Variants in KCNH5 observed in about 807,000 individuals in gnomAD.
KCNH5 encodes the protein potassium voltage-gated channel subfamily H member 5.
In KCNH5, 46 loss-of-function variants were observed where a neutral mutation model predicts 96.1. The observed-to-expected ratio is 0.48, with a 90% CI of 0.38 to 0.61. The LOEUF is 0.61. Ranked by LOEUF, KCNH5 falls within the 20% of genes least tolerant of loss-of-function variation. KCNH5 has a pLI of 0.00. For synonymous variants in KCNH5, 439 were observed against 449.8 expected (o/e 0.98, Z 0.30); for missense variants, 907 against 1,225.8 (o/e 0.74, Z 3.88).
chr14:62,950,263 G>A lies in KCNH5; in HGVS notation c.1239C>T (p.Pro413=). 2 of 1,614,024 alleles carry A rather than the reference G, an allele frequency of 1.2e-6. No individual in the cohort carries two copies. Among genetic ancestry groups the A allele is most frequent in the Non-Finnish European group, 8.5e-7 (1 of 1,179,958 alleles). The change falls in exon 7 of 11, where the codon CCC becomes CCT. Residue 413 remains proline (P), a synonymous_variant. Coordinates refer to ENST00000322893, the MANE Select transcript of KCNH5 (RefSeq NM_139318.5). ...AGGACACGTACAATGAATCCTTGCTGGGTCCTCCTTCCCATATCCCAGCAC... is the reference window on the plus strand; with the variant it reads ...AGGACACGTACAATGAATCCTTGCTAGGTCCTCCTTCCCATATCCCAGCAC... ...NTSAGIWEGG[P]SKDSLYVSSL...
chr14:62,833,050 TTTTTC>T (rs904895554), intron 8 of KCNH5, among the ~76,000 whole-genome samples: 5 of 152,196 alleles, frequency 3.3e-5, no homozygotes, highest in African/African-American at 1.2e-4. Flanking sequence ...TTATACATAT[TTTTTC>T]TTATTATATA....
At position 63,042,698 on chromosome 14, in the gene KCNH5, T is replaced by C. The variant is rs918003067; in HGVS notation, c.73+2416A>G. Among the ~76,000 whole-genome samples the C allele has an allele frequency of 3.9e-5, 6 of 152,180 alleles. No individual in the cohort carries two copies. The East Asian group carries it at 1.2e-3, about 29-fold the overall frequency. ...TTCTATTAGTCTCAATTAAACAATT[T>C]CTCAGGATAAATTTTTCTATTTCTC... is the stretch of plus-strand genomic sequence containing the variant. On this transcript the variant is annotated intron_variant, in intron 1 of 10. Coordinates refer to ENST00000322893, the MANE Select transcript of KCNH5 (RefSeq NM_139318.5).
intron 1 of KCNH5, among the ~76,000 whole-genome samples, chr14:63,019,030 A>T (rs982717982): frequency 4.6e-5 from 7 of 152,074 alleles, no homozygotes; most frequent in African/African-American, 1.4e-4. Context: ...CTGAAGTAAA[A>T]GAGAAAAAGA....
intron 7 of KCNH5, among the ~76,000 whole-genome samples, chr14:62,932,781 T>C (rs895501468): frequency 6.6e-6 from 1 of 152,082 alleles, no homozygotes; most frequent in African/African-American, 2.4e-5. Flanking sequence ...AAGGCTCAAA[T>C]GGAGTCCTCT....
chr14:62,713,553 A>AAGAGAGT (rs1291283522), intron 10 of KCNH5, among the ~76,000 whole-genome samples: 1 of 152,244 alleles, frequency 6.6e-6, no homozygotes, highest in African/African-American at 2.4e-5. Context: ...ACTGCAAGGT[A>AAGAGAGT]AGAGAGTATA....
chr14:62,764,716 T>C (rs1470077007), intron 10 of KCNH5, among the ~76,000 whole-genome samples: 7 of 152,176 alleles, frequency 4.6e-5, no homozygotes, highest in Non-Finnish European at 8.8e-5. Flanking sequence ...CATTTCTATA[T>C]ACCAACAATG....
At chr14:62,792,421 G>A (rs1886454288) in intron 9 of KCNH5, among the ~76,000 whole-genome samples, 1 of 151,512 alleles carries the variant, frequency 6.6e-6, no homozygotes, top group Non-Finnish European at 1.5e-5. Context: ...CTTTAAGGAG[G>A]TAGAAGAAAT....
intron 10 of KCNH5, among the ~76,000 whole-genome samples, chr14:62,729,045 A>T (rs1479721014): frequency 6.6e-6 from 1 of 152,230 alleles, no homozygotes; most frequent in Non-Finnish European, 1.5e-5. Context: ...TTCCCAAAAA[A>T]CAGTGAGTTC....
intron 1 of KCNH5, among the ~76,000 whole-genome samples, chr14:63,042,628 C>G (rs1392040730): frequency 6.6e-6 from 1 of 152,126 alleles, no homozygotes; most frequent in Non-Finnish European, 1.5e-5. Context: ...ATGAAACCTT[C>G]AAAGTGACAA....
chr14:62,907,396 G>A (rs965099295), intron 7 of KCNH5, among the ~76,000 whole-genome samples: 1 of 152,152 alleles, frequency 6.6e-6, no homozygotes, highest in Non-Finnish European at 1.5e-5. Context: ...AAATAAGTCT[G>A]CCATGATTTG....
chr14:62,948,024 G>T (rs1889925726), intron 7 of KCNH5, among the ~76,000 whole-genome samples: 1 of 148,364 alleles, frequency 6.7e-6, no homozygotes, highest in South Asian at 2.1e-4. Context: ...TCCCCTTCCT[G>T]TGTCCATGTA....
In KCNH5 at chr14:62,911,674, GA is replaced by G. The variant is rs201436417; in HGVS notation, c.1369+38458del. 3.9e-3 allele frequency among the ~76,000 whole-genome samples: 576 copies of G among 148,674 alleles called. 3 individuals carry two copies. Among genetic ancestry groups the G allele is most frequent in the African/African-American group, 0.013 (520 of 40,780 alleles). On this transcript the variant is annotated intron_variant, in intron 7 of 10. Transcript: ENST00000322893. ...ATATTTGTGAACATTTTGTATATAA[GA>G]AAAAAACATCAGCATGTCAGATTAC...
chr14:62,827,033 A>G (rs1046959246), intron 8 of KCNH5, among the ~76,000 whole-genome samples: 1 of 152,178 alleles, frequency 6.6e-6, no homozygotes, highest in Non-Finnish European at 1.5e-5. Flanking sequence ...AGGTGCCCAC[A>G]CTATATCTTC....
At chr14:63,011,280 C>T (rs1462210647) in intron 2 of KCNH5, among the ~76,000 whole-genome samples, 1 of 151,944 alleles carries the variant, frequency 6.6e-6, no homozygotes, top group Non-Finnish European at 1.5e-5. Context: ...GTCAGGAGTT[C>T]GAGACCAGCC....
At chr14:62,956,346 T>G (rs185140509) in intron 6 of KCNH5, among the ~76,000 whole-genome samples, 119 of 152,208 alleles carry the variant, frequency 7.8e-4, no homozygotes, top group Middle Eastern at 3.4e-3. Context: ...TCTCCCTTTG[T>G]TGGGAGAGGG....
At chr14:62,761,249 G>A (rs1204036312) in intron 10 of KCNH5, among the ~76,000 whole-genome samples, 2 of 152,002 alleles carry the variant, frequency 1.3e-5, no homozygotes, top group Admixed American at 1.3e-4. Flanking sequence ...CAGCTACTCT[G>A]GAGGCTGAGG....
intron 7 of KCNH5, among the ~76,000 whole-genome samples, chr14:62,942,368 A>C (rs968660560): frequency 1.3e-5 from 2 of 151,932 alleles, no homozygotes; most frequent in African/African-American, 4.8e-5. Context: ...CTCCCAACTT[A>C]CTCTATATTC....
At chr14:62,823,389 A>G (rs1214902406) in intron 8 of KCNH5, among the ~76,000 whole-genome samples, 1 of 152,118 alleles carries the variant, frequency 6.6e-6, no homozygotes, top group Non-Finnish European at 1.5e-5. Context: ...GATATGAGGT[A>G]CAGATTGTCA....
chr14:62,776,430 C>A (rs1337524230), intron 10 of KCNH5, among the ~76,000 whole-genome samples: 1 of 152,100 alleles, frequency 6.6e-6, no homozygotes, highest in African/African-American at 2.4e-5. Context: ...AGGAAAAGAA[C>A]CCTCACCAGG....
Sources: gnomAD v4.1 joint callset for allele counts (sites outside exome capture counted in the v4.1 genomes callset) on GRCh38, gnomAD v4.1.1 for gene constraint, MANE v1.5 for transcripts, NCBI Gene and HGNC (gene_info 2026-07-23, HGNC 2026-07-21) for gene names.